The following MED12L variants were observed in gnomAD, a reference collection of about 807,000 sequenced individuals.
MED12L encodes the protein mediator of RNA polymerase II transcription subunit 12-like protein.
MED12L carries 60 observed loss-of-function variants against 281.3 expected under a neutral mutation model. The ratio of observed to expected loss-of-function variants is 0.21; its 90% CI spans 0.17 to 0.26. The LOEUF is 0.26. Among genes scored for constraint, MED12L ranks in the 10% least tolerant of loss-of-function variants. MED12L has a pLI of 1.00. For synonymous variants in MED12L, 974 were observed against 987.2 expected (o/e 0.99, Z 0.25); for missense variants, 2,146 against 2,680.9 (o/e 0.80, Z 4.41).
At chr3:151,145,630 A>G (rs1426863767) in intron 5 of MED12L, among the ~76,000 whole-genome samples, 1 of 152,214 alleles carries the variant, frequency 6.6e-6, no homozygotes, top group African/African-American at 2.4e-5. Flanking sequence ...ATTTGGCAAA[A>G]CTAAGTAAAG....
chr3:151,090,777 T>C (rs1164152970), intron 2 of MED12L, among the ~76,000 whole-genome samples: 1 of 152,182 alleles, frequency 6.6e-6, no homozygotes, highest in East Asian at 1.9e-4. Context: ...TGGTGGCTCA[T>C]GCCTGTAATC....
At chr3:151,139,355 G>C (rs1002152896) in intron 5 of MED12L, among the ~76,000 whole-genome samples, 4 of 152,186 alleles carry the variant, frequency 2.6e-5, no homozygotes, top group Non-Finnish European at 5.9e-5. Context: ...TGAGCACAAA[G>C]AGTGCTTATT....
intron 16 of MED12L, among the ~76,000 whole-genome samples, chr3:151,221,551 C>T (rs761595204): frequency 1.3e-5 from 2 of 152,158 alleles, no homozygotes; most frequent in African/African-American, 2.4e-5. Flanking sequence ...CCCAGCCACT[C>T]TAGTGTGGCT....
intron 5 of MED12L, among the ~76,000 whole-genome samples, chr3:151,155,838 AG>A (rs1719203111): frequency 6.6e-5 from 10 of 152,290 alleles, no homozygotes; most frequent in Admixed American, 6.5e-4. Context: ...TTTAACAAGG[AG>A]GATCACCAGA....
At chr3:151,268,253 T>A (rs1740213825) in intron 16 of MED12L, among the ~76,000 whole-genome samples, 1 of 151,122 alleles carries the variant, frequency 6.6e-6, no homozygotes, top group Non-Finnish European at 1.5e-5. Flanking sequence ...CATTTATTAC[T>A]TATATATATA....
At chr3:151,284,801 T>C (rs1743253629) in intron 16 of MED12L, among the ~76,000 whole-genome samples, 1 of 151,986 alleles carries the variant, frequency 6.6e-6, no homozygotes, top group South Asian at 2.1e-4. Context: ...AGTGACAGGG[T>C]TTCTCTATGT....
chr3:151,211,010 A>G, intron 16 of MED12L, among the ~76,000 whole-genome samples: 1 of 152,146 alleles, frequency 6.6e-6, no homozygotes. Flanking sequence ...CCTGTTGCCC[A>G]CCTACACTAG....
rs1753734531 is a variant in MED12L, at chr3:151,355,018, C to G, written c.2399-103C>G. ...TTTATTGAAATTCATAGAATTTGTGCACTTTTCTGTATGTATGCTATACTT... is the reference window on the plus strand; with the variant it reads ...TTTATTGAAATTCATAGAATTTGTGGACTTTTCTGTATGTATGCTATACTT... On this transcript the variant is annotated intron_variant, in intron 17 of 44. Transcript: ENST00000687756. 16 of 777,096 alleles carry G rather than the reference C, an allele frequency of 2.1e-5. No homozygotes were observed. In the East Asian group the frequency reaches 4.1e-4, roughly 20 times the overall value. The allele number at this position is 777,096 out of a possible 1,614,324, so 48.1% of individuals were successfully genotyped here. A position where few individuals can be genotyped will look rare whatever the true frequency, so the allele number is the denominator to read the frequency against.
At chr3:151,301,868 A>G (rs1745974646) in intron 16 of MED12L, among the ~76,000 whole-genome samples, 1 of 152,250 alleles carries the variant, frequency 6.6e-6, no homozygotes, top group African/African-American at 2.4e-5. Flanking sequence ...TTAAAATCAA[A>G]TGTATCATAT....
chr3:151,287,846 G>A (rs561130670), intron 16 of MED12L, among the ~76,000 whole-genome samples: 56 of 152,244 alleles, frequency 3.7e-4, no homozygotes, highest in Admixed American at 5.9e-4. Flanking sequence ...CTTTCAAATA[G>A]CATTTGTACA....
chr3:151,270,483 T>C (rs115662636), intron 16 of MED12L, among the ~76,000 whole-genome samples: 2,484 of 152,302 alleles, frequency 0.016, 68 homozygotes, highest in African/African-American at 0.056. Context: ...ATTTGCATGG[T>C]GCTAAGCCCC....
intron 6 of MED12L, among the ~76,000 whole-genome samples, chr3:151,156,685 T>G (rs577599010): frequency 6.6e-6 from 1 of 152,210 alleles, no homozygotes; most frequent in Non-Finnish European, 1.5e-5. Context: ...GCAGACCTCC[T>G]TTAGACCTAA....
In MED12L at chr3:151,299,919, T is replaced by C. The variant is rs149383995; in HGVS notation, c.2251-50140T>C. On this transcript the variant is annotated intron_variant, in intron 16 of 44. Coordinates refer to ENST00000687756, the MANE Select transcript of MED12L (RefSeq NM_001393769.1). ...CAGCGATACTGTCCTGCATGTTTGC[T>C]GTTTTATACATAAGGAAACACAAAG... is the stretch of plus-strand genomic sequence containing the variant. 8 of 690,488 alleles carry C rather than the reference T, an allele frequency of 1.2e-5. No individual in the cohort carries two copies. The Admixed American group carries it at 1.7e-4, about 14-fold the overall frequency. 42.8% of individuals were successfully genotyped at this position (690,488 alleles called of 1,614,324 possible).
At chr3:151,242,591 C>G (rs1333750790) in intron 16 of MED12L, among the ~76,000 whole-genome samples, 4 of 152,118 alleles carry the variant, frequency 2.6e-5, no homozygotes, top group Admixed American at 6.5e-5. Context: ...AAACAGAAAA[C>G]ACATCCACAC....
chr3:151,123,887 G>A (rs1443700285), intron 4 of MED12L, among the ~76,000 whole-genome samples: 1 of 152,186 alleles, frequency 6.6e-6, no homozygotes, highest in Non-Finnish European at 1.5e-5. Context: ...TCATAACATT[G>A]TATTGCCTTG....
intron 16 of MED12L, among the ~76,000 whole-genome samples, chr3:151,287,141 A>C (rs964637638): frequency 2.6e-5 from 4 of 152,222 alleles, no homozygotes; most frequent in Admixed American, 2.6e-4. Flanking sequence ...ATAATCAGTC[A>C]ATGTTAAAAG....
chr3:151,273,622 T>C (rs548642609), intron 16 of MED12L, among the ~76,000 whole-genome samples: 33 of 152,222 alleles, frequency 2.2e-4, no homozygotes, highest in Middle Eastern at 3.4e-3. Flanking sequence ...GTAAGGAAAA[T>C]GAGGCATAGA....
intron 16 of MED12L, among the ~76,000 whole-genome samples, chr3:151,206,642 CTTTT>C (rs747558778): frequency 8.5e-5 from 6 of 70,324 alleles, no homozygotes; most frequent in African/African-American, 1.2e-4. Flanking sequence ...AACACATTAT[CTTTT>C]TTTTTTTTTT....
At chr3:151,245,216 C>T (rs1735144774) in intron 16 of MED12L, among the ~76,000 whole-genome samples, 1 of 152,322 alleles carries the variant, frequency 6.6e-6, no homozygotes, top group East Asian at 1.9e-4. Context: ...ACCATTCCTT[C>T]TGAAACTACT....
Sources: allele counts gnomAD v4.1 joint callset (sites outside exome capture counted in the v4.1 genomes callset), GRCh38; gene constraint gnomAD v4.1.1; transcripts MANE v1.5; gene names NCBI Gene and HGNC (gene_info 2026-07-23, HGNC 2026-07-21).